Variants in EPB41L4A observed in about 807,000 individuals in gnomAD.
The protein encoded by EPB41L4A is band 4.1-like protein 4A.
Under a neutral mutation model 108.6 loss-of-function variants are expected in EPB41L4A, and 100 were observed. The observed-to-expected ratio is 0.92, with a 90% CI of 0.78 to 1.09. The LOEUF is 1.09. Among genes scored for constraint, EPB41L4A ranks in the 50% least tolerant of loss-of-function variants. EPB41L4A has a pLI of 0.00. For synonymous variants in EPB41L4A, 319 were observed against 289.0 expected, an observed-to-expected ratio of 1.10 and a Z score of -1.05; for missense variants, 1,030 against 842.7, an observed-to-expected ratio of 1.22 and a Z score of -2.75.
At chr5:112,175,615 T>C (rs1760820815) in intron 18 of EPB41L4A, 1 of 152,080 alleles carries the variant, frequency 6.6e-6, no homozygotes, top group Non-Finnish European at 1.5e-5. Context: ...AATGGAGAGA[T>C]CAGTGGTTTA....
chr5:112,218,274 T>G (rs2150330273), intron 12 of EPB41L4A, among the ~76,000 whole-genome samples: 1 of 152,262 alleles, frequency 6.6e-6, no homozygotes, highest in African/African-American at 2.4e-5. Flanking sequence ...CAGGAGAGGG[T>G]GCACATTGTT....
At chr5:112,399,920 A>G (rs1018383175) in intron 1 of EPB41L4A, among the ~76,000 whole-genome samples, 1 of 152,076 alleles carries the variant, frequency 6.6e-6, no homozygotes, top group African/African-American at 2.4e-5. Context: ...CATGTCTCCC[A>G]CTGGTTCAAT....
chr5:112,302,567 T>C (rs1172914069), intron 2 of EPB41L4A, among the ~76,000 whole-genome samples: 3 of 152,284 alleles, frequency 2.0e-5, no homozygotes, highest in African/African-American at 7.2e-5. Context: ...CCTATGAAGC[T>C]GGTACTATTA....
At chr5:112,325,220 T>C (rs1364416348) in intron 1 of EPB41L4A, among the ~76,000 whole-genome samples, 1 of 152,144 alleles carries the variant, frequency 6.6e-6, no homozygotes, top group East Asian at 1.9e-4. Flanking sequence ...GGCGGGCAGA[T>C]CACGAGGTCA....
chr5:112,264,790 T>C lies in EPB41L4A; in HGVS notation c.554+106A>G, dbSNP rs554234939. On this transcript the variant is annotated intron_variant, in intron 6 of 22. Transcript: ENST00000261486. Reference sequence around the variant, plus strand: ...CTATACAAAGAGGAGTATTAGAATATTAAATGCACAGGTGAAGAATTTATC... The same window carrying C: ...CTATACAAAGAGGAGTATTAGAATACTAAATGCACAGGTGAAGAATTTATC... 2.7e-6 allele frequency: 3 copies of C among 1,122,928 alleles called. No individual in the cohort carries two copies. The Admixed American group carries it at 7.8e-5, about 29-fold the overall frequency. The allele number at this position is 1,122,928 out of a possible 1,614,324, so 69.6% of individuals were successfully genotyped here.
chr5:112,253,083 A>G (rs1353686219), intron 9 of EPB41L4A, among the ~76,000 whole-genome samples: 1 of 152,130 alleles, frequency 6.6e-6, no homozygotes, highest in African/African-American at 2.4e-5. Context: ...ATTTACAGAG[A>G]ATTTTAAAGA....
At chr5:112,230,733 G>A (rs1252134864) in intron 12 of EPB41L4A, among the ~76,000 whole-genome samples, 1 of 152,098 alleles carries the variant, frequency 6.6e-6, no homozygotes, top group Admixed American at 6.6e-5. Flanking sequence ...GTTTAATTAG[G>A]TCTTATCTAT....
chr5:112,255,433 G>A (rs1411983050), intron 9 of EPB41L4A, among the ~76,000 whole-genome samples: 3 of 152,076 alleles, frequency 2.0e-5, no homozygotes, highest in Admixed American at 6.6e-5. Context: ...TACTTAACAG[G>A]GGAACTGCTG....
At chr5:112,181,040 G>A (rs192132811) in intron 18 of EPB41L4A, among the ~76,000 whole-genome samples, 24 of 152,272 alleles carry the variant, frequency 1.6e-4, no homozygotes, top group Non-Finnish European at 2.6e-4. Flanking sequence ...GAAAATTAAC[G>A]CAGCAACAAA....
At position 112,182,701 on chromosome 5, in the gene EPB41L4A, C is replaced by T. The variant is rs1761217357; in HGVS notation, c.1622+1315G>A. 2.6e-5 allele frequency among the ~76,000 whole-genome samples: 4 copies of T among 152,000 alleles called. No individual in the cohort carries two copies. In the South Asian group the frequency reaches 8.3e-4, roughly 31 times the overall value. On this transcript the variant is annotated intron_variant, in intron 18 of 22. Transcript: ENST00000261486. ...TAAAAATATGGTGGCAAAAGATTTA[C>T]CCGTGACTACGCTGTATCTAATCTT...
intron 18 of EPB41L4A, among the ~76,000 whole-genome samples, chr5:112,173,412 T>A (rs963774015): frequency 6.6e-6 from 1 of 152,128 alleles, no homozygotes; most frequent in African/African-American, 2.4e-5. Context: ...AAAAAAATGA[T>A]AACATGATAA....
chr5:112,278,325 C>A (rs999721594), intron 3 of EPB41L4A, among the ~76,000 whole-genome samples: 1 of 151,220 alleles, frequency 6.6e-6, no homozygotes, highest in Non-Finnish European at 1.5e-5. Context: ...TCTCAGGTCA[C>A]TGCAACCTCC....
At chr5:112,288,637 T>A (rs1753440898) in intron 2 of EPB41L4A, among the ~76,000 whole-genome samples, 1 of 152,136 alleles carries the variant, frequency 6.6e-6, no homozygotes, top group South Asian at 2.1e-4. Context: ...GTGCCTCCTG[T>A]TTTGCCCCTT....
intron 1 of EPB41L4A, among the ~76,000 whole-genome samples, chr5:112,395,231 CA>C (rs1316645928): frequency 3.9e-5 from 6 of 152,104 alleles, no homozygotes; most frequent in African/African-American, 1.4e-4. Flanking sequence ...CAACAAAAGC[CA>C]AAATTGACAA....
chr5:112,285,581 G>A (rs997437528), intron 2 of EPB41L4A, among the ~76,000 whole-genome samples: 2 of 152,086 alleles, frequency 1.3e-5, no homozygotes, highest in East Asian at 1.9e-4. Context: ...TTGCAGTGGC[G>A]ACAAAAACAA....
At chr5:112,234,884 G>T in intron 11 of EPB41L4A, 129 bp from the exon 12 acceptor site, 1 of 964,674 alleles carries the variant, frequency 1.0e-6, no homozygotes, top group Non-Finnish European at 1.5e-6. Context: ...GTTTTTAATT[G>T]ATTCTCATTG....
intron 1 of EPB41L4A, among the ~76,000 whole-genome samples, chr5:112,386,672 T>C (rs1190021347): frequency 2.0e-5 from 3 of 152,246 alleles, no homozygotes; most frequent in African/African-American, 7.2e-5. Context: ...ATCAACTTTC[T>C]TTTTAATCCC....
At chr5:112,416,771 A>C (rs1343225423) in intron 1 of EPB41L4A, among the ~76,000 whole-genome samples, 1 of 152,228 alleles carries the variant, frequency 6.6e-6, no homozygotes, top group African/African-American at 2.4e-5. Flanking sequence ...AAGTTTTTTA[A>C]AATGTCAAGT....
intron 1 of EPB41L4A, among the ~76,000 whole-genome samples, chr5:112,413,924 A>C (rs1009633206): frequency 6.6e-6 from 1 of 152,198 alleles, no homozygotes; most frequent in African/African-American, 2.4e-5. Context: ...ATGAGCCACT[A>C]CAACAAGGAG....
Sources: allele counts gnomAD v4.1 joint callset (sites outside exome capture counted in the v4.1 genomes callset), GRCh38; gene constraint gnomAD v4.1.1; transcripts MANE v1.5; gene names NCBI Gene and HGNC (gene_info 2026-07-23, HGNC 2026-07-21).